SERPINI1: variants seen among roughly 807,000 people sequenced by gnomAD.
SERPINI1 encodes the protein neuroserpin.
In SERPINI1, 19 loss-of-function variants were observed where a neutral mutation model predicts 41.1. The observed-to-expected ratio is 0.46, with a 90% CI of 0.32 to 0.68. The LOEUF (loss-of-function observed/expected upper bound fraction) is 0.68. Ranked by LOEUF, SERPINI1 falls within the 30% of genes least tolerant of loss-of-function variation. SERPINI1 has a pLI of 0.03. For missense variants in SERPINI1, 460 were observed against 479.2 expected, an observed-to-expected ratio of 0.96 and a Z score of 0.37; for synonymous variants, 138 against 156.6, an observed-to-expected ratio of 0.88 and a Z score of 0.89.
At chr3:167,779,527 A>G (rs1251001042) in intron 1 of SERPINI1, among the ~76,000 whole-genome samples, 6 of 152,198 alleles carry the variant, frequency 3.9e-5, no homozygotes, top group Admixed American at 1.3e-4. Context: ...TTTCTACAAC[A>G]TAGAGAGTTG....
At chr3:167,820,333 C>T (rs959923072) in intron 6 of SERPINI1, among the ~76,000 whole-genome samples, 3 of 152,206 alleles carry the variant, frequency 2.0e-5, no homozygotes, top group African/African-American at 7.2e-5. Context: ...AAGCCTGCCC[C>T]CTTCTGAGTT....
intron 1 of SERPINI1, among the ~76,000 whole-genome samples, chr3:167,748,752 CTGTGTGTGTGTGTGTGTGTGTG>C (rs34438429): frequency 7.0e-6 from 1 of 143,548 alleles, no homozygotes; most frequent in African/African-American, 2.6e-5. Flanking sequence ...GTGTGTTACT[CTGTGTGTGTGTGTGTGTGTGTG>C]TGTGTGTGTG....
intron 1 of SERPINI1, among the ~76,000 whole-genome samples, chr3:167,738,818 A>G (rs2108527615): frequency 6.6e-6 from 1 of 151,140 alleles, no homozygotes; most frequent in South Asian, 2.1e-4. Context: ...GTCAATTGCC[A>G]TTTTAACTGG....
chr3:167,753,050 C>T (rs1396257941), intron 1 of SERPINI1, among the ~76,000 whole-genome samples: 5 of 152,108 alleles, frequency 3.3e-5, no homozygotes, highest in Non-Finnish European at 7.4e-5. Context: ...TCTGTGAAGG[C>T]AGAGCCCTTG....
chr3:167,780,831 G>C (rs1292126266), intron 1 of SERPINI1, among the ~76,000 whole-genome samples: 2 of 152,154 alleles, frequency 1.3e-5, no homozygotes, highest in African/African-American at 2.4e-5. Context: ...GAAAACTACT[G>C]TGAGAGGCAG....
At chr3:167,744,716 T>C (rs1725799971) in intron 1 of SERPINI1, among the ~76,000 whole-genome samples, 2 of 127,854 alleles carry the variant, frequency 1.6e-5, no homozygotes, top group Non-Finnish European at 3.2e-5. Flanking sequence ...ATAAAATATA[T>C]ATAAATATAT....
intron 7 of SERPINI1, among the ~76,000 whole-genome samples, chr3:167,823,500 T>C (rs967411886): frequency 1.3e-5 from 2 of 152,218 alleles, no homozygotes; most frequent in Admixed American, 1.3e-4. Context: ...TATATATTTA[T>C]GGAGAATATG....
intron 7 of SERPINI1, 85 bp downstream of exon 7, chr3:167,823,157 T>A: frequency 3.1e-6 from 3 of 952,594 alleles, no homozygotes; most frequent in Admixed American, 3.5e-5. Flanking sequence ...ATTTTCAAAA[T>A]GAAGCCAAAA....
intron 1 of SERPINI1, among the ~76,000 whole-genome samples, chr3:167,748,662 T>G (rs888230879): frequency 6.6e-6 from 1 of 151,898 alleles, no homozygotes; most frequent in Non-Finnish European, 1.5e-5. Context: ...GGAATTTGAG[T>G]ATGAAATCAA....
chr3:167,743,824 A>G lies in SERPINI1; in HGVS notation c.-19+8001A>G, dbSNP rs539890753. Among the ~76,000 whole-genome samples, 3 of 152,292 alleles carry G rather than the reference A, an allele frequency of 2.0e-5. No homozygotes were observed. In the South Asian group the frequency reaches 6.2e-4, roughly 32 times the overall value. On this transcript the variant is annotated intron_variant, in intron 1 of 8. Coordinates refer to ENST00000446050, the MANE Select transcript of SERPINI1 (RefSeq NM_001122752.2). ...ACTATTGTAGAAAGCCAGAAGGAGA[A>G]GAAATTGGTCTATGTGGTAATCAGG... is the stretch of plus-strand genomic sequence containing the variant.
intron 5 of SERPINI1, 138 bp downstream of exon 5, chr3:167,794,962 C>A (rs1418060927): frequency 5.7e-6 from 4 of 699,488 alleles, no homozygotes; most frequent in Non-Finnish European, 1.0e-5. Flanking sequence ...TCTTCTCCTT[C>A]TCTTTCTCCT....
intron 4 of SERPINI1, among the ~76,000 whole-genome samples, chr3:167,793,845 T>G (rs1041273598): frequency 1.3e-5 from 2 of 150,462 alleles, no homozygotes; most frequent in African/African-American, 2.4e-5. Flanking sequence ...TGTATGTGTG[T>G]GTGTGTGTGT....
chr3:167,735,802 AG>A lies in SERPINI1; in HGVS notation c.-36del, dbSNP rs1337033977. 1.3e-5 allele frequency: 2 copies of A among 152,336 alleles called. No individual in the cohort carries two copies. The highest frequency in any genetic ancestry group is 4.8e-5 in the African/African-American group (2 of 41,458). 9.4% of individuals were successfully genotyped at this position (152,336 alleles called of 1,614,324 possible). A position where few individuals can be genotyped will look rare whatever the true frequency, so the allele number is the denominator to read the frequency against. ...CGAGCACAAGCTCCAGCATCCCGTC[AG>A]GGGTTGCAGGTGTGTGGGAGGTAAG... On this transcript the variant is annotated 5_prime_UTR_variant, in exon 1 of 9. Coordinates refer to ENST00000446050, the MANE Select transcript of SERPINI1 (RefSeq NM_001122752.2).
At chr3:167,795,923 T>G (rs1329202970) in intron 5 of SERPINI1, among the ~76,000 whole-genome samples, 1 of 152,082 alleles carries the variant, frequency 6.6e-6, no homozygotes, top group Non-Finnish European at 1.5e-5. Flanking sequence ...ACAAGACATA[T>G]CAATAAAAAC....
chr3:167,751,629 G>C (rs1046301756), intron 1 of SERPINI1, among the ~76,000 whole-genome samples: 1 of 152,142 alleles, frequency 6.6e-6, no homozygotes, highest in Non-Finnish European at 1.5e-5. Context: ...ATAGTGTTGA[G>C]GTTATCGACA....
intron 6 of SERPINI1, among the ~76,000 whole-genome samples, chr3:167,813,866 T>C (rs1282951036): frequency 6.6e-6 from 1 of 152,154 alleles, no homozygotes; most frequent in Non-Finnish European, 1.5e-5. Context: ...GCATGGGGAC[T>C]TCTCTCATAC....
rs1387712556 is a variant in SERPINI1, at chr3:167,792,610, T to A, written c.502T>A (p.Ser168Thr). Residue 168 changes from serine (S) to threonine (T), a missense_variant, in exon 4 of 9, where the codon TCC becomes ACC. Physicochemically the swap from Ser to Thr is moderately conservative, Grantham distance 58. Transcript: ENST00000446050. ...AATAGATCTGGTGAAAGATTTGGTA[T>A]CCCCAAGGGATTTTGATGCTGCCAC... ...NTNNLVKDLV[S>T]PRDFDAATYL... The A allele has an allele frequency of 6.2e-6, 10 of 1,613,452 alleles. No homozygotes were observed. Among genetic ancestry groups the A allele is most frequent in the Non-Finnish European group, 8.5e-6 (10 of 1,179,790 alleles).
chr3:167,743,910 C>G (rs1016136092), intron 1 of SERPINI1, among the ~76,000 whole-genome samples: 4 of 151,998 alleles, frequency 2.6e-5, no homozygotes, highest in Admixed American at 2.6e-4. Context: ...GGATGGCAAG[C>G]TAGGGCCTAC....
Position 167,824,883 on chromosome 3 carries a change from A to C in SERPINI1, c.1156+321A>C, listed in dbSNP as rs1412114060. 7.2e-5 allele frequency among the ~76,000 whole-genome samples: 11 copies of C among 152,118 alleles called. No individual in the cohort carries two copies. In the East Asian group the frequency reaches 1.9e-3, roughly 27 times the overall value. On this transcript the variant is annotated intron_variant, in intron 8 of 8. Coordinates refer to ENST00000446050, the MANE Select transcript of SERPINI1 (RefSeq NM_001122752.2). Reference sequence around the variant, plus strand: ...GTGAGACCCCATTTCTACATAAATAAAATTTTTAAAAAATTAGCCAGGCAT... The same window carrying C: ...GTGAGACCCCATTTCTACATAAATACAATTTTTAAAAAATTAGCCAGGCAT...
Sources: allele counts gnomAD v4.1 joint callset (sites outside exome capture counted in the v4.1 genomes callset), GRCh38; gene constraint gnomAD v4.1.1; transcripts MANE v1.5; gene names NCBI Gene and HGNC (gene_info 2026-07-23, HGNC 2026-07-21).